Variants in COL25A1 observed in about 807,000 individuals in gnomAD.
The protein encoded by COL25A1 is collagen alpha-1(XXV) chain.
COL25A1 carries 103 observed loss-of-function variants against 128.4 expected under a neutral mutation model. The ratio of observed to expected loss-of-function variants is 0.80; its 90% confidence interval spans 0.68 to 0.94. The LOEUF is 0.94. Among genes scored for constraint, COL25A1 ranks in the 40% least tolerant of loss-of-function variants. The pLI is 0.00. For missense variants in COL25A1, 745 were observed against 840.0 expected (o/e 0.89, Z 1.40); for synonymous variants, 279 against 277.2 (o/e 1.01, Z -0.06).
intron 17 of COL25A1, 116 bp downstream of exon 17, chr4:108,889,582 TAGG>T: frequency 1.2e-6 from 1 of 852,796 alleles, no homozygotes. Flanking sequence ...CCAGTTATTG[TAGG>T]AGAATAAGAA....
chr4:109,282,216 A>AC (rs776501797), intron 3 of COL25A1, among the ~76,000 whole-genome samples: 3 of 152,306 alleles, frequency 2.0e-5, no homozygotes, highest in Non-Finnish European at 4.4e-5. Flanking sequence ...TCTAAAAAAC[A>AC]CAGTAAAATG....
At chr4:109,026,503 C>T (rs528990121) in intron 5 of COL25A1, among the ~76,000 whole-genome samples, 41 of 152,258 alleles carry the variant, frequency 2.7e-4, no homozygotes, top group Admixed American at 2.3e-3. Flanking sequence ...TGGTTATTAA[C>T]GACTGCCTGG....
At chr4:109,043,630 C>G (rs967447055) in intron 5 of COL25A1, among the ~76,000 whole-genome samples, 2 of 152,026 alleles carry the variant, frequency 1.3e-5, no homozygotes, top group African/African-American at 4.8e-5. Flanking sequence ...AGTTACAGGA[C>G]TTGCTTGATT....
At chr4:109,134,715 C>T (rs1049484364) in intron 3 of COL25A1, among the ~76,000 whole-genome samples, 1 of 152,022 alleles carries the variant, frequency 6.6e-6, no homozygotes, top group Non-Finnish European at 1.5e-5. Flanking sequence ...GACGGTGAAG[C>T]TATCGACTGA....
intron 3 of COL25A1, among the ~76,000 whole-genome samples, chr4:109,138,667 GGTT>G (rs202161332): frequency 0.045 from 6,846 of 151,584 alleles, 229 homozygotes; most frequent in Non-Finnish European, 0.065. Context: ...TGACTTTTTT[GGTT>G]GTTGTTGTTT....
In COL25A1 at chr4:109,115,106, A is replaced by G. The variant is rs115432453; in HGVS notation, c.368-64927T>C. On this transcript the variant is annotated intron_variant, in intron 3 of 37. Coordinates refer to ENST00000399132, the MANE Select transcript of COL25A1 (RefSeq NM_198721.4). ...GTTTTTGGCCCAAAATCAAATTCAC[A>G]TATTGAATAAGAGTCAAAACAAGGT... Among the ~76,000 whole-genome samples, 612 of 152,224 alleles carry G rather than the reference A, an allele frequency of 4.0e-3. 3 individuals carry two copies. Among genetic ancestry groups the G allele is most frequent in the African/African-American group, 0.014 (582 of 41,558 alleles).
intron 3 of COL25A1, among the ~76,000 whole-genome samples, chr4:109,126,790 T>C (rs1768660889): frequency 6.6e-6 from 1 of 152,086 alleles, no homozygotes; most frequent in Non-Finnish European, 1.5e-5. Context: ...GATAACCTGA[T>C]AGCTTTTCAT....
intron 8 of COL25A1, among the ~76,000 whole-genome samples, chr4:108,965,193 T>C (rs1318688788): frequency 6.6e-6 from 1 of 152,218 alleles, no homozygotes; most frequent in African/African-American, 2.4e-5. Context: ...TAGTCCCAGC[T>C]GTTATGAAAA....
chr4:109,290,309 T>C (rs1002278462), intron 3 of COL25A1, among the ~76,000 whole-genome samples: 5 of 152,114 alleles, frequency 3.3e-5, no homozygotes, highest in Admixed American at 2.0e-4. Flanking sequence ...CACCAATATA[T>C]AGCATTCCTC....
chr4:109,300,447 CAT>C, intron 3 of COL25A1, 134 bp downstream of exon 3: 1 of 620,186 alleles, frequency 1.6e-6, no homozygotes, highest in East Asian at 2.7e-5. Flanking sequence ...TTGAATGAGA[CAT>C]GTTGATTTTA....
chr4:108,905,535 AAAT>A (rs1015774104), intron 13 of COL25A1, among the ~76,000 whole-genome samples: 278 of 150,328 alleles, frequency 1.8e-3, no homozygotes, highest in Admixed American at 6.1e-3. Flanking sequence ...ATAAAAATAA[AAAT>A]AATAATAATA....
chr4:109,192,972 A>G (rs1560842490), intron 3 of COL25A1, among the ~76,000 whole-genome samples: 2 of 152,144 alleles, frequency 1.3e-5, no homozygotes, highest in Non-Finnish European at 1.5e-5. Context: ...TATCAGAAGA[A>G]ACCAACCCTG....
intron 33 of COL25A1, among the ~76,000 whole-genome samples, chr4:108,826,553 TAAG>T (rs1453595218): frequency 3.9e-5 from 6 of 152,112 alleles, no homozygotes; most frequent in South Asian, 2.1e-4. Flanking sequence ...ATAATAATAA[TAAG>T]AAGAGAAGAA....
chr4:109,053,575 T>G (rs1761174972), intron 3 of COL25A1, among the ~76,000 whole-genome samples: 1 of 152,078 alleles, frequency 6.6e-6, no homozygotes, highest in African/African-American at 2.4e-5. Flanking sequence ...GCTCATCAGG[T>G]GAATTACCAA....
At chr4:109,207,545 A>C (rs533725680) in intron 3 of COL25A1, among the ~76,000 whole-genome samples, 1 of 152,278 alleles carries the variant, frequency 6.6e-6, no homozygotes, top group South Asian at 2.1e-4. Context: ...AATTTCTCAA[A>C]ATACTAATTT....
chr4:109,237,042 A>G (rs936120055), intron 3 of COL25A1, among the ~76,000 whole-genome samples: 20 of 152,104 alleles, frequency 1.3e-4, no homozygotes, highest in Non-Finnish European at 2.4e-4. Flanking sequence ...GATTTTTAAA[A>G]ATTTTAAAAA....
chr4:109,193,801 C>T (rs1319282573), intron 3 of COL25A1, among the ~76,000 whole-genome samples: 2 of 152,082 alleles, frequency 1.3e-5, no homozygotes, highest in South Asian at 2.1e-4. Context: ...CAGGAAAAGA[C>T]GTCTTCTACC....
At chr4:108,941,313 G>T in intron 9 of COL25A1, 53 bp downstream of exon 9, 2 of 1,409,176 alleles carry the variant, frequency 1.4e-6, no homozygotes, top group Non-Finnish European at 2.0e-6. Context: ...TAGGTACACA[G>T]AGCAATAACT....
chr4:109,175,228 C>G (rs1773978548), intron 3 of COL25A1, among the ~76,000 whole-genome samples: 1 of 152,100 alleles, frequency 6.6e-6, no homozygotes. Context: ...TACTCATGGC[C>G]AAGGTCATAA....
Sources: allele counts gnomAD v4.1 joint callset (sites outside exome capture counted in the v4.1 genomes callset), GRCh38; gene constraint gnomAD v4.1.1; transcripts MANE v1.5; gene names NCBI Gene and HGNC (gene_info 2026-07-23, HGNC 2026-07-21).